The following ELMO1 variants were observed in gnomAD, a reference collection of about 807,000 sequenced individuals.
ELMO1 encodes the protein engulfment and cell motility 1, also known as engulfment and cell motility protein 1.
In ELMO1, 26 loss-of-function variants were observed where a neutral mutation model predicts 98.9. That is an observed-to-expected ratio of 0.26 (90% CI 0.19 to 0.36). The LOEUF (loss-of-function observed/expected upper bound fraction) is 0.36, where lower values mean the gene tolerates loss of function less well. Among genes scored for constraint, ELMO1 ranks in the 10% least tolerant of loss-of-function variants. ELMO1 has a pLI of 1.00. For missense variants in ELMO1, 627 were observed against 935.2 expected, an observed-to-expected ratio of 0.67 and a Z score of 4.30; for synonymous variants, 346 against 346.0, an observed-to-expected ratio of 1.00 and a Z score of 0.00.
intron 16 of ELMO1, among the ~76,000 whole-genome samples, chr7:37,009,370 AT>A (rs1162963690): frequency 2.0e-5 from 3 of 152,244 alleles, no homozygotes; most frequent in Non-Finnish European, 1.5e-5. Context: ...TTTTCAAAGC[AT>A]AAATATTTTA....
intron 13 of ELMO1, among the ~76,000 whole-genome samples, chr7:37,189,280 G>C (rs1461677339): frequency 6.6e-6 from 1 of 152,174 alleles, no homozygotes; most frequent in Non-Finnish European, 1.5e-5. Flanking sequence ...TACATCCTTA[G>C]AAGAATCAGA....
At chr7:37,341,413 C>T (rs1232526160) in intron 2 of ELMO1, among the ~76,000 whole-genome samples, 1 of 152,170 alleles carries the variant, frequency 6.6e-6, no homozygotes, top group Non-Finnish European at 1.5e-5. Context: ...CATCTGTTGC[C>T]TGACTCAAAT....
intron 15 of ELMO1, among the ~76,000 whole-genome samples, chr7:37,087,381 G>A (rs1394666289): frequency 1.3e-5 from 2 of 151,934 alleles, no homozygotes; most frequent in Non-Finnish European, 2.9e-5. Context: ...TTTTTGATGG[G>A]AAAGCTGTTT....
intron 16 of ELMO1, among the ~76,000 whole-genome samples, chr7:36,921,606 C>T (rs748037073): frequency 6.6e-6 from 1 of 152,132 alleles, no homozygotes; most frequent in Non-Finnish European, 1.5e-5. Context: ...CTTTCTTGCA[C>T]CTGGCTCAAG....
intron 16 of ELMO1, among the ~76,000 whole-genome samples, chr7:36,998,658 G>T (rs559523844): frequency 1.7e-3 from 262 of 152,198 alleles, no homozygotes; most frequent in African/African-American, 6.0e-3. Context: ...TACAAAGGTG[G>T]CAAACAAGAT....
chr7:36,988,158 C>A lies in ELMO1; in HGVS notation c.1437+25141G>T, dbSNP rs147850590. On this transcript the variant is annotated intron_variant, in intron 16 of 21. Transcript: ENST00000310758. ...CTAAGTGTAGGAAGAAAGTCTCACC[C>A]AGGTACAGCACCCAAAGCCAACACT... 9.0e-3 allele frequency among the ~76,000 whole-genome samples: 1,371 copies of A among 152,308 alleles called. 14 individuals carry two copies. Among genetic ancestry groups the A allele is most frequent in the South Asian group, 0.029 (138 of 4,822 alleles).
chr7:37,326,352 C>T (rs939953999), intron 2 of ELMO1, among the ~76,000 whole-genome samples: 7 of 152,018 alleles, frequency 4.6e-5, no homozygotes, highest in East Asian at 3.9e-4. Context: ...GTCAGGAGTT[C>T]GAGACCAGCC....
chr7:37,034,365 C>T (rs938186378), intron 15 of ELMO1, among the ~76,000 whole-genome samples: 2 of 152,090 alleles, frequency 1.3e-5, no homozygotes, highest in African/African-American at 2.4e-5. Flanking sequence ...CAAACCAATG[C>T]CTTGATCTCA....
intron 13 of ELMO1, among the ~76,000 whole-genome samples, chr7:37,178,463 A>T (rs1339933995): frequency 6.6e-6 from 1 of 150,946 alleles, no homozygotes; most frequent in Admixed American, 6.6e-5. Flanking sequence ...AAAATTAGCC[A>T]GGCATGGTGG....
intron 16 of ELMO1, among the ~76,000 whole-genome samples, chr7:36,935,395 C>G (rs1786436057): frequency 6.6e-6 from 1 of 151,570 alleles, no homozygotes; most frequent in South Asian, 2.1e-4. Flanking sequence ...ACTAAAACAG[C>G]CTTGTCCCTT....
At chr7:36,988,559 CAG>C (rs1791665969) in intron 16 of ELMO1, among the ~76,000 whole-genome samples, 1 of 152,136 alleles carries the variant, frequency 6.6e-6, no homozygotes, top group South Asian at 2.1e-4. Context: ...AGTATAAAAA[CAG>C]AGCTATGAAC....
In ELMO1 at chr7:37,044,825, C is replaced by T. The variant is rs539045660; in HGVS notation, c.1301-31390G>A. On this transcript the variant is annotated intron_variant, in intron 15 of 21. Transcript: ENST00000310758. ...TTTGTTTGGCTTCCATCCTCAAGTC[C>T]TCCCCTTCCCTAGTCTTCCCTTCTT... Among the ~76,000 whole-genome samples the T allele has an allele frequency of 5.3e-5, 8 of 152,336 alleles. 1 individual carries two copies. The South Asian group carries it at 1.7e-3, about 32-fold the overall frequency.
rs73116755 is a variant in ELMO1, at chr7:37,372,239, T to A, written c.-73-29476A>T. Among the ~76,000 whole-genome samples the A allele has an allele frequency of 8.1e-3, 1,230 of 152,252 alleles. 8 individuals are homozygous for A. Among genetic ancestry groups the A allele is most frequent in the Non-Finnish European group, 0.013 (861 of 68,020 alleles). On this transcript the variant is annotated intron_variant, in intron 1 of 21. Transcript: ENST00000310758. ...AACTACCCCAAAAAAGTTAAGTGAC[T>A]GAGGCATTTAAAATATGAAGAATGA...
chr7:36,949,417 C>T (rs1412225724), intron 16 of ELMO1, among the ~76,000 whole-genome samples: 2 of 151,850 alleles, frequency 1.3e-5, no homozygotes, highest in Admixed American at 1.3e-4. Context: ...CATCTGGTTC[C>T]TTTGATGACA....
chr7:37,379,717 A>AT (rs1256669117), intron 1 of ELMO1, among the ~76,000 whole-genome samples: 1 of 152,134 alleles, frequency 6.6e-6, no homozygotes, highest in Non-Finnish European at 1.5e-5. Flanking sequence ...AAACTTCCAA[A>AT]TTCCTGTGGC....
At chr7:36,893,735 T>C (rs1805755199) in intron 17 of ELMO1, among the ~76,000 whole-genome samples, 2 of 152,278 alleles carry the variant, frequency 1.3e-5, no homozygotes, top group South Asian at 4.1e-4. Context: ...CTTGTTGGCA[T>C]GGTCTTCACC....
At chr7:37,100,651 T>G (rs1477612823) in intron 14 of ELMO1, among the ~76,000 whole-genome samples, 1 of 152,250 alleles carries the variant, frequency 6.6e-6, no homozygotes, top group African/African-American at 2.4e-5. Flanking sequence ...GCTTGAGGGC[T>G]TCTTCCATGC....
At chr7:37,394,391 G>A (rs1803205654) in intron 1 of ELMO1, among the ~76,000 whole-genome samples, 1 of 152,178 alleles carries the variant, frequency 6.6e-6, no homozygotes, top group Non-Finnish European at 1.5e-5. Context: ...GGAGACAGGA[G>A]CTGGATCAGA....
intron 15 of ELMO1, among the ~76,000 whole-genome samples, chr7:37,015,007 C>T (rs1411686755): frequency 1.3e-5 from 2 of 152,122 alleles, no homozygotes; most frequent in East Asian, 1.9e-4. Context: ...ACACACCAAC[C>T]TCTTCTCTCC....
Sources: gnomAD v4.1 joint callset for allele counts (sites outside exome capture counted in the v4.1 genomes callset) on GRCh38, gnomAD v4.1.1 for gene constraint, MANE v1.5 for transcripts, NCBI Gene and HGNC (gene_info 2026-07-23, HGNC 2026-07-21) for gene names.